The following SMIM10L3 variants were observed in gnomAD, a reference collection of about 807,000 sequenced individuals.
The protein encoded by SMIM10L3 is small integral membrane protein 10 like 3.
chr7:6,344,292 A>G, the SMIM10L3 span, among the ~76,000 whole-genome samples: 38 of 152,198 alleles, frequency 2.5e-4, no homozygotes, highest in African/African-American at 8.4e-4. Flanking sequence ...CAAAAACTCT[A>G]AAACCTGCAG....
the SMIM10L3 span, among the ~76,000 whole-genome samples, chr7:6,331,827 A>C: frequency 2.1e-5 from 3 of 143,340 alleles, no homozygotes; most frequent in South Asian, 4.4e-4. Flanking sequence ...TGCAACCACT[A>C]CCTCTCAGGT....
chr7:6,339,481 CCTT>C, the SMIM10L3 span, among the ~76,000 whole-genome samples: 2 of 151,900 alleles, frequency 1.3e-5, no homozygotes, highest in South Asian at 2.1e-4. Flanking sequence ...GCTGTGTACC[CCTT>C]TTTTTGTTTT....
the SMIM10L3 span, among the ~76,000 whole-genome samples, chr7:6,345,161 A>G: frequency 1.5e-3 from 229 of 152,212 alleles, 1 homozygote; most frequent in South Asian, 2.5e-3. Context: ...TCTGTTGCCC[A>G]GGCTGGTGTG....
At chr7:6,347,883 T>TTTTTTATTATTA in the SMIM10L3 span, among the ~76,000 whole-genome samples, 3 of 131,538 alleles carry the variant, frequency 2.3e-5, no homozygotes, top group Non-Finnish European at 4.8e-5. Flanking sequence ...ACGAGACCCC[T>TTTTTTATTATTA]TTATTATTAT....
chr7:6,343,403 T>C, the SMIM10L3 span, among the ~76,000 whole-genome samples: 1 of 9,568 alleles, frequency 1.0e-4, no homozygotes, highest in Non-Finnish European at 2.1e-4. Flanking sequence ...ATTTCATATA[T>C]ATATATATAT....
chr7:6,333,396 T>C, the SMIM10L3 span, among the ~76,000 whole-genome samples: 1 of 151,968 alleles, frequency 6.6e-6, no homozygotes, highest in Non-Finnish European at 1.5e-5. Context: ...AGACTGCAAA[T>C]GGTTCAGAAT....
At chr7:6,346,511 T>C in the SMIM10L3 span, among the ~76,000 whole-genome samples, 1 of 152,004 alleles carries the variant, frequency 6.6e-6, no homozygotes, top group African/African-American at 2.4e-5. Context: ...GGACTACAGG[T>C]GCACGCCACC....
At chr7:6,331,229 T>A in the SMIM10L3 span, 4 of 1,424,912 alleles carry the variant, frequency 2.8e-6, no homozygotes, top group Non-Finnish European at 2.9e-6. Context: ...TGGATCTCAA[T>A]ATGAACCTAG....
chr7:6,343,072 A>C, the SMIM10L3 span, among the ~76,000 whole-genome samples: 1 of 149,574 alleles, frequency 6.7e-6, no homozygotes, highest in African/African-American at 2.5e-5. Flanking sequence ...AAGAAAGAGG[A>C]AGAGAAAAGA....
the SMIM10L3 span, among the ~76,000 whole-genome samples, chr7:6,338,084 G>A: frequency 1.9e-3 from 289 of 152,248 alleles, 2 homozygotes; most frequent in African/African-American, 6.7e-3. Flanking sequence ...GATTACAGGC[G>A]TGAGCCACTA....
the SMIM10L3 span, among the ~76,000 whole-genome samples, chr7:6,339,805 T>TC: frequency 6.6e-6 from 1 of 151,394 alleles, no homozygotes; most frequent in South Asian, 2.1e-4. Flanking sequence ...TGTCTCCCCC[T>TC]CCCGGTCCCC....
the SMIM10L3 span, among the ~76,000 whole-genome samples, chr7:6,346,886 C>T: frequency 6.6e-6 from 1 of 152,148 alleles, no homozygotes; most frequent in Non-Finnish European, 1.5e-5. Context: ...AGGGAGCAAC[C>T]CAAGGACCGT....
At chr7:6,333,295 C>T in the SMIM10L3 span, among the ~76,000 whole-genome samples, 3 of 152,050 alleles carry the variant, frequency 2.0e-5, no homozygotes, top group East Asian at 3.9e-4. Flanking sequence ...CACAGGGAGC[C>T]GGTGATTGGA....
chr7:6,344,737 A>T, the SMIM10L3 span, among the ~76,000 whole-genome samples: 2,981 of 151,092 alleles, frequency 0.02, 53 homozygotes, highest in East Asian at 0.054. Context: ...TCTTTTTTTT[A>T]AATTTTATTA....
chr7:6,345,040 G>A, the SMIM10L3 span, among the ~76,000 whole-genome samples: 22 of 151,722 alleles, frequency 1.5e-4, no homozygotes, highest in African/African-American at 5.1e-4. Flanking sequence ...CACCACGCCC[G>A]GCCACTGCGC....
the SMIM10L3 span, among the ~76,000 whole-genome samples, chr7:6,332,994 A>G: frequency 6.6e-6 from 1 of 152,068 alleles, no homozygotes; most frequent in Non-Finnish European, 1.5e-5. Flanking sequence ...CCCTGTCTCT[A>G]TCAAAAATAG....
the SMIM10L3 span, among the ~76,000 whole-genome samples, chr7:6,339,876 G>A: frequency 5.3e-5 from 8 of 151,018 alleles, no homozygotes; most frequent in East Asian, 4.0e-4. Flanking sequence ...GTGCCAGCTC[G>A]GCGTCAGGCA....
At chr7:6,337,793 C>CTTT in the SMIM10L3 span, among the ~76,000 whole-genome samples, 1 of 142,988 alleles carries the variant, frequency 7.0e-6, no homozygotes, top group Admixed American at 6.8e-5. Flanking sequence ...GATTTCAATA[C>CTTT]ATTATTTATT....
chr7:6,344,832 C>T, the SMIM10L3 span, among the ~76,000 whole-genome samples: 1 of 151,760 alleles, frequency 6.6e-6, no homozygotes, highest in Non-Finnish European at 1.5e-5. Context: ...CCTCCACCTC[C>T]CAGGGTTCAA....
Sources: gnomAD v4.1 joint callset for allele counts (sites outside exome capture counted in the v4.1 genomes callset) on GRCh38, gnomAD v4.1.1 for gene constraint, MANE v1.5 for transcripts, NCBI Gene and HGNC (gene_info 2026-07-23, HGNC 2026-07-21) for gene names.